Variants in SLC45A4 observed in about 807,000 individuals in gnomAD.
SLC45A4 encodes the protein solute carrier family 45 member 4.
SLC45A4 carries 32 observed loss-of-function variants against 63.7 expected under a neutral mutation model. That is an observed-to-expected ratio of 0.50 (90% confidence interval 0.38 to 0.67). The LOEUF is 0.67. Among genes scored for constraint, SLC45A4 ranks in the 30% least tolerant of loss-of-function variants. SLC45A4 has a pLI of 0.00. For missense variants in SLC45A4, 1,027 were observed against 1,157.7 expected, an observed-to-expected ratio of 0.89 and a Z score of 1.64; for synonymous variants, 535 against 510.0, an observed-to-expected ratio of 1.05 and a Z score of -0.66.
rs767047354 is a variant in SLC45A4, at chr8:141,218,738, TCCA to T, written c.899_901del (p.Val300del). ...CGAGTCGCTTTTGCTGCGCATGATG[TCCA>T]CGTCCGGGTAGTCCAGGGCCAGCTC... On this transcript the variant is annotated inframe_deletion, in exon 5 of 9. Coordinates refer to ENST00000517878, the MANE Select transcript of SLC45A4 (RefSeq NM_001286646.2). 6 of 1,612,834 alleles carry T rather than the reference TCCA, an allele frequency of 3.7e-6. No individual in the cohort carries two copies. Among genetic ancestry groups the T allele is most frequent in the Middle Eastern group, 1.7e-4 (1 of 6,058 alleles).
In SLC45A4 at chr8:141,212,580, G is replaced by A. The variant is rs185173401; in HGVS notation, c.1942-24C>T. On this transcript the variant is annotated intron_variant, in intron 7 of 8. Coordinates refer to ENST00000517878, the MANE Select transcript of SLC45A4 (RefSeq NM_001286646.2). ...TACTGCAAGAGAGGAAACACGAGGC[G>A]GTGAGCGGCTGGAGAAGGTGGCTGC... 66 of 1,572,838 alleles carry A rather than the reference G, an allele frequency of 4.2e-5. No homozygotes were observed. The Admixed American group carries it at 6.4e-4, about 15-fold the overall frequency.
At chr8:141,275,700 A>G (rs1829703936) in intron 1 of SLC45A4, among the ~76,000 whole-genome samples, 1 of 152,210 alleles carries the variant, frequency 6.6e-6, no homozygotes, top group Non-Finnish European at 1.5e-5. Context: ...AAGATTGGTA[A>G]AATAAAGCAT....
At chr8:141,212,156 CCGCCCACT>C (rs1430388904) in intron 8 of SLC45A4, 33 bp downstream of exon 8, 4 of 827,132 alleles carry the variant, frequency 4.8e-6, no homozygotes, top group Non-Finnish European at 6.2e-6. Context: ...GCCCGCCCAC[CCGCCCACT>C]GGAATGTGTG....
chr8:141,221,470 G>A lies in SLC45A4; in HGVS notation c.430+107C>T, dbSNP rs555813651. The stretch of plus-strand genomic sequence containing the variant: ...CCGGCAGCCCAGCCAGGCCCACAGA[G>A]GGTCAGCCTGAATATTCAACACCAT... On this transcript the variant is annotated intron_variant, in intron 3 of 8. Transcript: ENST00000517878. The A allele has an allele frequency of 5.3e-5, 73 of 1,382,582 alleles. No individual in the cohort carries two copies. In the East Asian group the frequency reaches 1.5e-3, roughly 29 times the overall value. The allele number at this position is 1,382,582 out of a possible 1,614,324, so 85.6% of individuals were successfully genotyped here.
intron 2 of SLC45A4, among the ~76,000 whole-genome samples, chr8:141,243,010 C>T (rs1051799754): frequency 7.2e-5 from 11 of 152,240 alleles, no homozygotes; most frequent in Admixed American, 3.3e-4. Flanking sequence ...GAGAGCTCCA[C>T]CTCCAAGACT....
At chr8:141,259,373 C>T (rs1828955294) in intron 1 of SLC45A4, among the ~76,000 whole-genome samples, 2 of 152,242 alleles carry the variant, frequency 1.3e-5, no homozygotes, top group Non-Finnish European at 2.9e-5. Context: ...GGCCCCCCAG[C>T]TCCAGAACCA....
chr8:141,271,193 G>C (rs78936870), intron 1 of SLC45A4, among the ~76,000 whole-genome samples: 1 of 152,214 alleles, frequency 6.6e-6, no homozygotes, highest in Non-Finnish European at 1.5e-5. Flanking sequence ...CTTACTGGAA[G>C]AGCTCCCAGA....
At chr8:141,252,781 C>A (rs1828549296) in intron 2 of SLC45A4, among the ~76,000 whole-genome samples, 1 of 145,868 alleles carries the variant, frequency 6.9e-6, no homozygotes, top group Non-Finnish European at 1.5e-5. Context: ...TCACGCCCAC[C>A]TGTGCGTCTG....
At chr8:141,232,555 G>A (rs1014933936) in intron 2 of SLC45A4, among the ~76,000 whole-genome samples, 2 of 152,092 alleles carry the variant, frequency 1.3e-5, no homozygotes, top group Admixed American at 6.5e-5. Flanking sequence ...GCTGCAACGT[G>A]AACACACACA....
chr8:141,290,892 G>A (rs4961356), intron 1 of SLC45A4, among the ~76,000 whole-genome samples: 16,995 of 152,210 alleles, frequency 0.11, 1,582 homozygotes, highest in East Asian at 0.43. Context: ...TCTGTCACCC[G>A]GGCTGGAGTG....
rs550799499 is a variant in SLC45A4, at chr8:141,256,184, A to G, written c.-400-1555T>C. 5.8e-4 allele frequency among the ~76,000 whole-genome samples: 88 copies of G among 152,298 alleles called. No homozygotes were observed. The highest frequency in any genetic ancestry group is 3.4e-3 in the Middle Eastern group (1 of 294). On this transcript the variant is annotated intron_variant, in intron 1 of 8. Coordinates refer to ENST00000517878, the MANE Select transcript of SLC45A4 (RefSeq NM_001286646.2). This position sits in a 1 kb window ranked among gnomAD's most constrained non-coding sequence, Gnocchi z 4.3. ...TGAGGTCAATCTCTCCTCAGGTAAG[A>G]TAAGATCGGGGATGTGGAACACCCC...
intron 1 of SLC45A4, among the ~76,000 whole-genome samples, chr8:141,307,132 T>G (rs1464865016): frequency 6.6e-6 from 1 of 152,030 alleles, no homozygotes. Flanking sequence ...TCATTCTGAA[T>G]AGCTAACCAG....
intron 2 of SLC45A4, among the ~76,000 whole-genome samples, chr8:141,244,021 C>G (rs1828043103): frequency 6.6e-6 from 1 of 152,102 alleles, no homozygotes; most frequent in African/African-American, 2.4e-5. Flanking sequence ...GGATTTTTGA[C>G]TGTATGGGGA....
rs200797275 is a variant in SLC45A4, at chr8:141,218,833, G to A, written c.807C>T (p.Pro269=). The A allele has an allele frequency of 1.1e-5, 17 of 1,613,084 alleles. No homozygotes were observed. Among genetic ancestry groups the A allele is most frequent in the South Asian group, 4.4e-5 (4 of 91,068 alleles). Residue 269 remains proline, a synonymous_variant, in exon 5 of 9, where the codon CCC becomes CCT. Transcript: ENST00000517878. ...GCGGCTCGCCCCCATCCAGGGCGCC[G>A]GGCTCCTCAGCGCTGCGCTCCTGCT... ...SPQQERSAEE[P]GALDGGEPHG... is the part of the protein sequence containing the mutation.
At chr8:141,242,067 G>A (rs966702874) in intron 2 of SLC45A4, among the ~76,000 whole-genome samples, 1 of 152,234 alleles carries the variant, frequency 6.6e-6, no homozygotes, top group Non-Finnish European at 1.5e-5. Flanking sequence ...CAAGCTCCCT[G>A]CACAGATGAG....
At chr8:141,219,520 C>T (rs1261771133) in intron 4 of SLC45A4, 130 bp downstream of exon 4, 2 of 1,186,456 alleles carry the variant, frequency 1.7e-6, no homozygotes, top group African/African-American at 3.1e-5. Context: ...GCCCTAAGAC[C>T]CTGCCCACTG....
chr8:141,243,765 A>G (rs558075543), intron 2 of SLC45A4, among the ~76,000 whole-genome samples: 1 of 152,032 alleles, frequency 6.6e-6, no homozygotes, highest in South Asian at 2.1e-4. Context: ...GATCCTCCTC[A>G]GCCTACTCAA....
At chr8:141,277,109 G>A (rs868129518) in intron 1 of SLC45A4, among the ~76,000 whole-genome samples, 2 of 152,214 alleles carry the variant, frequency 1.3e-5, no homozygotes, top group African/African-American at 2.4e-5. Context: ...AGCCCGCGCC[G>A]CCCTCTACAG....
intron 1 of SLC45A4, among the ~76,000 whole-genome samples, chr8:141,290,982 G>T (rs1830326165): frequency 6.6e-6 from 1 of 152,192 alleles, no homozygotes; most frequent in Non-Finnish European, 1.5e-5. Context: ...CCAAGTAGCT[G>T]GGATTACAGG....
Sources: allele counts gnomAD v4.1 joint callset (sites outside exome capture counted in the v4.1 genomes callset), GRCh38; gene constraint gnomAD v4.1.1; non-coding constraint Gnocchi (gnomAD v3.1); transcripts MANE v1.5; gene names NCBI Gene and HGNC (gene_info 2026-07-23, HGNC 2026-07-21).